Variants in HDAC9 observed in about 807,000 individuals in gnomAD.
HDAC9 encodes the protein histone deacetylase 9.
HDAC9 carries 41 observed loss-of-function variants against 139.4 expected under a neutral mutation model. The ratio of observed to expected loss-of-function variants is 0.29; its 90% confidence interval spans 0.23 to 0.38. The LOEUF is 0.38. Among genes scored for constraint, HDAC9 ranks in the 10% least tolerant of loss-of-function variants. HDAC9 has a pLI of 1.00. For synonymous variants in HDAC9, 517 were observed against 476.2 expected (o/e 1.09, Z -1.12); for missense variants, 1,147 against 1,297.0 (o/e 0.88, Z 1.78).
chr7:18,261,035 G>T (rs950267798), intron 2 of HDAC9, among the ~76,000 whole-genome samples: 18 of 152,140 alleles, frequency 1.2e-4, no homozygotes, highest in African/African-American at 4.3e-4. Context: ...TGGCTCTGGG[G>T]CTCATGTTTG....
At chr7:18,974,156 C>T (rs890064387) in intron 24 of HDAC9, among the ~76,000 whole-genome samples, 1 of 152,184 alleles carries the variant, frequency 6.6e-6, no homozygotes, top group East Asian at 1.9e-4. Context: ...GCTGTTTCCC[C>T]TTCCAGGGAT....
chr7:18,755,690 T>C (rs1788813108), intron 14 of HDAC9, among the ~76,000 whole-genome samples: 1 of 152,062 alleles, frequency 6.6e-6, no homozygotes, highest in South Asian at 2.1e-4. Context: ...TGATTTGAAA[T>C]AGGTGGAAGT....
intron 12 of HDAC9, among the ~76,000 whole-genome samples, chr7:18,671,947 G>A (rs1795699799): frequency 6.6e-6 from 1 of 151,826 alleles, no homozygotes; most frequent in South Asian, 2.1e-4. Flanking sequence ...ACAACATTTT[G>A]CTTATTCATT....
intron 15 of HDAC9, among the ~76,000 whole-genome samples, chr7:18,763,232 G>A (rs1789540617): frequency 6.6e-6 from 1 of 152,116 alleles, no homozygotes; most frequent in African/African-American, 2.4e-5. Flanking sequence ...CAGTAGGTAG[G>A]TATCTTGGAA....
At chr7:18,101,463 G>C (rs1033540137) in intron 1 of HDAC9, among the ~76,000 whole-genome samples, 1 of 152,164 alleles carries the variant, frequency 6.6e-6, no homozygotes, top group African/African-American at 2.4e-5. Flanking sequence ...TAGGCAGGGG[G>C]ATAATTCCAA....
At chr7:18,104,859 T>G (rs1331905268) in intron 1 of HDAC9, among the ~76,000 whole-genome samples, 12 of 152,126 alleles carry the variant, frequency 7.9e-5, no homozygotes, top group Non-Finnish European at 1.6e-4. Context: ...GTAATTTAAA[T>G]TTTGAATTAA....
chr7:18,337,235 G>A (rs1781650081), intron 1 of HDAC9, among the ~76,000 whole-genome samples: 1 of 151,598 alleles, frequency 6.6e-6, no homozygotes, highest in Non-Finnish European at 1.5e-5. Context: ...ATTTATAGCA[G>A]AGGAAAACCT....
At chr7:18,110,824 T>C (rs1314619560) in intron 1 of HDAC9, among the ~76,000 whole-genome samples, 2 of 152,086 alleles carry the variant, frequency 1.3e-5, no homozygotes, top group Non-Finnish European at 2.9e-5. Context: ...GTAATTGTGA[T>C]GATGGGGAAG....
chr7:18,607,317 A>G (rs1177424708), intron 6 of HDAC9, among the ~76,000 whole-genome samples: 2 of 152,226 alleles, frequency 1.3e-5, no homozygotes, highest in Non-Finnish European at 2.9e-5. Flanking sequence ...AGAAAGACAA[A>G]GCATGGAAAA....
In HDAC9 at chr7:18,938,378, G is replaced by A. The variant is rs112698909; in HGVS notation, c.2937+2436G>A. On this transcript the variant is annotated intron_variant, in intron 23 of 25. Coordinates refer to ENST00000686413, the MANE Select transcript of HDAC9 (RefSeq NM_178425.4). ...TGGGAGGCCGAGGCGGGTGGATCAC[G>A]AGGTCATGAGATCAAGACCATCCTG... Among the ~76,000 whole-genome samples the A allele has an allele frequency of 7.1e-3, 1,081 of 152,040 alleles. 12 individuals carry two copies. Among genetic ancestry groups the A allele is most frequent in the African/African-American group, 0.025 (1,030 of 41,486 alleles).
chr7:18,527,085 A>G lies in HDAC9; in HGVS notation c.22+30761A>G, dbSNP rs149347071. Among the ~76,000 whole-genome samples the G allele has an allele frequency of 3.8e-3, 575 of 152,294 alleles. 6 individuals carry two copies. Among genetic ancestry groups the G allele is most frequent in the Non-Finnish European group, 5.9e-3 (403 of 68,010 alleles). On this transcript the variant is annotated intron_variant, in intron 2 of 25. Coordinates refer to ENST00000686413, the MANE Select transcript of HDAC9 (RefSeq NM_178425.4). ...TTGAGGTTATTAAGTAGAAATTCAC[A>G]TGGATTTAATAATGAAAGATCATTT...
intron 1 of HDAC9, among the ~76,000 whole-genome samples, chr7:18,399,470 C>G (rs1231355826): frequency 6.6e-6 from 1 of 152,158 alleles, no homozygotes; most frequent in African/African-American, 2.4e-5. Flanking sequence ...AAAATTCGGA[C>G]ACAAATGGCA....
At chr7:18,771,492 G>C (rs1301900725) in intron 16 of HDAC9, among the ~76,000 whole-genome samples, 1 of 151,922 alleles carries the variant, frequency 6.6e-6, no homozygotes, top group Non-Finnish European at 1.5e-5. Flanking sequence ...TATCTTGTCA[G>C]AATTAAAATG....
At chr7:18,263,385 AGATCAGGAGGGCAGGCAGGAG>A (rs1366326053) in intron 2 of HDAC9, among the ~76,000 whole-genome samples, 1 of 152,198 alleles carries the variant, frequency 6.6e-6, no homozygotes, top group Non-Finnish European at 1.5e-5. Flanking sequence ...TGATTCAACA[AGATCAGGAGGGCAGGCAGGAG>A]GATGTTAAAA....
chr7:18,546,923 G>T (rs1815054526), intron 2 of HDAC9, among the ~76,000 whole-genome samples: 1 of 152,164 alleles, frequency 6.6e-6, no homozygotes, highest in Non-Finnish European at 1.5e-5. Flanking sequence ...CTAAATTTCT[G>T]TAATAGTTAT....
intron 22 of HDAC9, among the ~76,000 whole-genome samples, chr7:18,917,040 C>A (rs1563053726): frequency 6.6e-6 from 1 of 151,978 alleles, no homozygotes; most frequent in South Asian, 2.1e-4. Flanking sequence ...TGTGCCCAAT[C>A]AGAGATGATA....
At chr7:18,739,693 G>C (rs552367689) in intron 13 of HDAC9, among the ~76,000 whole-genome samples, 2 of 152,312 alleles carry the variant, frequency 1.3e-5, no homozygotes, top group East Asian at 1.9e-4. Context: ...CCTACTGGGA[G>C]ATGTCTCCCA....
At chr7:18,421,390 A>G (rs1789601847) in intron 1 of HDAC9, among the ~76,000 whole-genome samples, 1 of 150,172 alleles carries the variant, frequency 6.7e-6, no homozygotes, top group African/African-American at 2.4e-5. Flanking sequence ...GGAAGGAGAA[A>G]GGGAGGGAGG....
intron 25 of HDAC9, among the ~76,000 whole-genome samples, chr7:18,984,775 T>G (rs560175623): frequency 6.6e-6 from 1 of 152,266 alleles, no homozygotes; most frequent in East Asian, 1.9e-4. Flanking sequence ...ATTGTAGAAT[T>G]AAGAGGCGAA....
Sources: allele counts gnomAD v4.1 joint callset (sites outside exome capture counted in the v4.1 genomes callset), GRCh38; gene constraint gnomAD v4.1.1; transcripts MANE v1.5; gene names NCBI Gene and HGNC (gene_info 2026-07-23, HGNC 2026-07-21).